Variants in CYSLTR1 observed in about 807,000 individuals in gnomAD.
CYSLTR1 encodes the protein cysteinyl leukotriene receptor 1.
CYSLTR1 carries 1 observed loss-of-function variant against 2.1 expected under a neutral mutation model. The observed-to-expected ratio is 0.48, with a 90% confidence interval of 0.17 to 2.28. The LOEUF (loss-of-function observed/expected upper bound fraction) is 2.28. Among genes scored for constraint, CYSLTR1 ranks in the 30% most tolerant of loss-of-function variants. CYSLTR1 has a pLI of 0.26. For missense variants in CYSLTR1, 299 were observed against 250.1 expected (o/e 1.20, Z -1.32); for synonymous variants, 110 against 89.6 (o/e 1.23, Z -1.28).
rs1035939992 is a variant in CYSLTR1, at chrX:78,286,279, A to G, written c.-114-2739T>C. On this transcript the variant is annotated intron_variant, in intron 1 of 2. Coordinates refer to ENST00000373304, the MANE Select transcript of CYSLTR1 (RefSeq NM_006639.4). ...GGGCAGCACAGCAAGACCACTCTAC[A>G]AAAAATAAAAAAAATGTTGCTGAAT... Among the ~76,000 whole-genome samples the G allele has an allele frequency of 5.4e-5, 6 of 110,890 alleles. No individual in the cohort carries two copies. The East Asian group carries it at 1.4e-3, about 26-fold the overall frequency.
At position 78,272,504 on chromosome X, in the gene CYSLTR1, G is replaced by T. The variant is rs961406855; in HGVS notation, c.*229C>A. On this transcript the variant is annotated 3_prime_UTR_variant, in exon 3 of 3. Coordinates refer to ENST00000373304, the MANE Select transcript of CYSLTR1 (RefSeq NM_006639.4). ...AAATATTCTCCAAATTCTGGTGAGT[G>T]GTCAAAATTATTTATAATTCAGTTC... The T allele has an allele frequency of 3.8e-6, 1 of 264,062 alleles. No individual in the cohort carries two copies. The highest frequency in any genetic ancestry group is 6.7e-6 in the Non-Finnish European group (1 of 150,045). 21.8% of individuals were successfully genotyped at this position (264,062 alleles called of 1,213,427 possible).
In CYSLTR1 at chrX:78,273,285, G is replaced by A. The variant is rs1456276651; in HGVS notation, c.462C>T (p.Thr154=). 3.3e-6 allele frequency: 4 copies of A among 1,209,362 alleles called. No homozygotes were observed. Among genetic ancestry groups the A allele is most frequent in the Middle Eastern group, 2.3e-4 (1 of 4,345 alleles). Residue 154 remains threonine (T), a synonymous_variant, in exon 3 of 3, where the codon ACC becomes ACT. Coordinates refer to ENST00000373304, the MANE Select transcript of CYSLTR1 (RefSeq NM_006639.4). ...GTTTGGCCATTAGAAATGGAGAACTGGTCAAAATCACAAAAATCCAAATAC... is the reference window on the plus strand; with the variant it reads ...GTTTGGCCATTAGAAATGGAGAACTAGTCAAAATCACAAAAATCCAAATAC... ...CVGIWIFVIL[T]SSPFLMAKPQ...
At chrX:78,293,105 G>A (rs1404294730) in intron 1 of CYSLTR1, among the ~76,000 whole-genome samples, 4 of 111,427 alleles carry the variant, frequency 3.6e-5, no homozygotes, top group Admixed American at 9.6e-5. Context: ...TGTTTTTGCA[G>A]TGGCTGGTAC....
Position 78,272,218 on chromosome X carries a change from G to A in CYSLTR1, c.*515C>T, listed in dbSNP as rs1415679938. ...AAGAAATGGCCCTAATTTGCCTAGCGAATCAGTACTACAAAGAAGGGTGAC... is the reference window on the plus strand; with the variant it reads ...AAGAAATGGCCCTAATTTGCCTAGCAAATCAGTACTACAAAGAAGGGTGAC... On this transcript the variant is annotated 3_prime_UTR_variant, in exon 3 of 3. Coordinates refer to ENST00000373304, the MANE Select transcript of CYSLTR1 (RefSeq NM_006639.4). 8.9e-6 allele frequency: 1 copy of A among 111,774 alleles called. No homozygotes were observed. The highest frequency in any genetic ancestry group is 3.3e-5 in the African/African-American group (1 of 30,766). 9.2% of individuals were successfully genotyped at this position (111,774 alleles called of 1,213,427 possible).
At chrX:78,287,265 G>A (rs1426505313) in intron 1 of CYSLTR1, among the ~76,000 whole-genome samples, 2 of 111,769 alleles carry the variant, frequency 1.8e-5, no homozygotes, top group African/African-American at 6.5e-5. Context: ...ACTGATACAT[G>A]CTACAACATG....
chrX:78,310,101 T>C (rs938133947), intron 1 of CYSLTR1, among the ~76,000 whole-genome samples: 1 of 112,209 alleles, frequency 8.9e-6, no homozygotes, highest in Non-Finnish European at 1.9e-5. Context: ...TTATCACTTA[T>C]GATGAATTAT....
chrX:78,288,672 G>A (rs1177331740), intron 1 of CYSLTR1, among the ~76,000 whole-genome samples: 1 of 111,311 alleles, frequency 9.0e-6, no homozygotes, highest in Non-Finnish European at 1.9e-5. Context: ...GAAGAATGGG[G>A]TATCTTTCTC....
chrX:78,293,683 AC>A (rs747120535), intron 1 of CYSLTR1, among the ~76,000 whole-genome samples: 1 of 110,299 alleles, frequency 9.1e-6, no homozygotes, highest in Non-Finnish European at 1.9e-5. Flanking sequence ...ATTTCTTTTT[AC>A]CCTTTTTTTC....
At chrX:78,301,779 C>T (rs1922830638) in intron 1 of CYSLTR1, among the ~76,000 whole-genome samples, 1 of 111,732 alleles carries the variant, frequency 8.9e-6, no homozygotes, top group Non-Finnish European at 1.9e-5. Context: ...TCTTCCAGTA[C>T]CAAGTTACTG....
chrX:78,325,904 T>TA (rs1228727553), intron 1 of CYSLTR1, among the ~76,000 whole-genome samples: 1 of 112,245 alleles, frequency 8.9e-6, no homozygotes, highest in Non-Finnish European at 1.9e-5. Flanking sequence ...AAATAGTTTC[T>TA]AAATGCATCA....
chrX:78,303,739 G>A (rs1395717814), intron 1 of CYSLTR1, among the ~76,000 whole-genome samples: 2 of 111,804 alleles, frequency 1.8e-5, no homozygotes, highest in Non-Finnish European at 3.8e-5. Context: ...TAAACATAGT[G>A]GAAAATTCAT....
At chrX:78,300,395 ATT>A (rs1922767457) in intron 1 of CYSLTR1, among the ~76,000 whole-genome samples, 2 of 112,475 alleles carry the variant, frequency 1.8e-5, no homozygotes, top group Non-Finnish European at 3.8e-5. Flanking sequence ...TTAGGTATTT[ATT>A]TCAGCATTTG....
At chrX:78,278,210 A>G (rs1163383841) in intron 2 of CYSLTR1, among the ~76,000 whole-genome samples, 1 of 111,982 alleles carries the variant, frequency 8.9e-6, no homozygotes, top group Non-Finnish European at 1.9e-5. Context: ...GAAATAACTC[A>G]GTCAGACAAA....
intron 1 of CYSLTR1, among the ~76,000 whole-genome samples, chrX:78,313,755 C>A (rs1223324403): frequency 9.0e-6 from 1 of 111,532 alleles, no homozygotes; most frequent in Admixed American, 9.5e-5. Context: ...TGTGAATGGA[C>A]ATTGTTTCAG....
intron 1 of CYSLTR1, among the ~76,000 whole-genome samples, chrX:78,289,885 T>G (rs1922242052): frequency 8.9e-6 from 1 of 111,958 alleles, no homozygotes; most frequent in African/African-American, 3.2e-5. Context: ...ATGGGTAGAT[T>G]GCAAAAATTT....
intron 1 of CYSLTR1, chrX:78,319,505 A>C (rs1923555544): frequency 9.1e-6 from 1 of 109,975 alleles, no homozygotes; most frequent in South Asian, 3.9e-4. Context: ...TTCTTAATCC[A>C]GTCTATCATT....
intron 1 of CYSLTR1, among the ~76,000 whole-genome samples, chrX:78,296,075 T>C (rs1220740371): frequency 8.9e-6 from 1 of 111,809 alleles, no homozygotes. Flanking sequence ...GATTTTTGTA[T>C]ATGGTAAGAG....
intron 1 of CYSLTR1, among the ~76,000 whole-genome samples, chrX:78,303,063 C>T (rs1603411231): frequency 9.0e-6 from 1 of 111,575 alleles, no homozygotes; most frequent in East Asian, 2.8e-4. Context: ...ACACTGTAGC[C>T]CACAGCATCA....
intron 1 of CYSLTR1, among the ~76,000 whole-genome samples, chrX:78,301,755 C>T (rs1569552372): frequency 8.9e-6 from 1 of 111,962 alleles, no homozygotes; most frequent in Non-Finnish European, 1.9e-5. Context: ...GGTATCTTTA[C>T]AGCAGCACCC....
Sources: allele counts gnomAD v4.1 joint callset (sites outside exome capture counted in the v4.1 genomes callset), GRCh38; gene constraint gnomAD v4.1.1; transcripts MANE v1.5; gene names NCBI Gene and HGNC (gene_info 2026-07-23, HGNC 2026-07-21).